UBAP2L: variants seen among roughly 807,000 people sequenced by gnomAD.
UBAP2L encodes ubiquitin-associated protein 2-like.
In UBAP2L, 12 loss-of-function variants were observed where a neutral mutation model predicts 130.6. The ratio of observed to expected loss-of-function variants is 0.09; its 90% confidence interval spans 0.06 to 0.15. UBAP2L has a LOEUF of 0.15. Among genes scored for constraint, UBAP2L ranks in the 10% least tolerant of loss-of-function variants. UBAP2L has a pLI of 1.00. For missense variants in UBAP2L, 965 were observed against 1,332.5 expected, an observed-to-expected ratio of 0.72 and a Z score of 4.29; for synonymous variants, 503 against 524.7, an observed-to-expected ratio of 0.96 and a Z score of 0.57.
chr1:154,225,257 C>T (rs1039924339), intron 2 of UBAP2L, 44 bp downstream of exon 2: 1 of 1,591,878 alleles, frequency 6.3e-7, no homozygotes, highest in Non-Finnish European at 8.6e-7. Context: ...GCGTTGCCTG[C>T]TGATACTGGT....
At chr1:154,253,335 G>C (rs925586036) in intron 14 of UBAP2L, among the ~76,000 whole-genome samples, 1 of 151,352 alleles carries the variant, frequency 6.6e-6, no homozygotes, top group Non-Finnish European at 1.5e-5. Flanking sequence ...ATGTAGGGGG[G>C]AGCCAAGGGA....
At chr1:154,255,565 T>A in intron 17 of UBAP2L, 118 bp from the exon 18 acceptor site, 1 of 1,282,738 alleles carries the variant, frequency 7.8e-7, no homozygotes, top group Non-Finnish European at 1.1e-6. Flanking sequence ...TAACATATGA[T>A]CTCAGACCTC....
Position 154,228,717 on chromosome 1 carries a change from C to T in UBAP2L, c.271C>T (p.Pro91Ser), listed in dbSNP as rs754255634. 12 of 1,610,674 alleles carry T rather than the reference C, an allele frequency of 7.5e-6. No homozygotes were observed. In the South Asian group the frequency reaches 1.2e-4, roughly 16 times the overall value. The change falls in exon 4 of 27, where the codon CCA (proline) becomes TCA (serine). Residue 91 changes from proline to serine, a missense_variant. Transcript: ENST00000428931. ...TATCAATGTTCTTCTGGAAGGAAAC[C>T]CAGACACGGTAGAGTGCTTATAGAG... is the stretch of plus-strand genomic sequence containing the variant. ...RAINVLLEGN[P>S]DTHSWEMVGK...
intron 8 of UBAP2L, among the ~76,000 whole-genome samples, 160 bp downstream of exon 8, chr1:154,237,296 C>T (rs1439094300): frequency 6.6e-6 from 1 of 152,168 alleles, no homozygotes; most frequent in African/African-American, 2.4e-5. Flanking sequence ...GTTTATGTAA[C>T]GTGCATATGG....
intron 24 of UBAP2L, chr1:154,263,100 T>A (rs1682118071): frequency 6.4e-7 from 1 of 1,551,766 alleles, no homozygotes; most frequent in Non-Finnish European, 8.7e-7. Flanking sequence ...TGATTCCTTT[T>A]AGGAAGAAAA....
At chr1:154,268,688 G>GC in intron 25 of UBAP2L, 69 bp from the exon 26 acceptor site, 1 of 1,523,800 alleles carries the variant, frequency 6.6e-7, no homozygotes, top group East Asian at 2.3e-5. Context: ...GGGAGCTTGA[G>GC]CTCAGGAAAA....
chr1:154,264,742 A>G (rs1329131903), intron 24 of UBAP2L, among the ~76,000 whole-genome samples: 1 of 151,820 alleles, frequency 6.6e-6, no homozygotes, highest in Non-Finnish European at 1.5e-5. Context: ...CAACTATGCT[A>G]TTTTTTATTT....
At chr1:154,227,691 C>T (rs567779563) in intron 3 of UBAP2L, among the ~76,000 whole-genome samples, 52 of 151,948 alleles carry the variant, frequency 3.4e-4, no homozygotes, top group Non-Finnish European at 5.7e-4. Context: ...GGATTACAGG[C>T]GCTCACCACC....
intron 17 of UBAP2L, 86 bp from the exon 18 acceptor site, chr1:154,255,596 CT>C: frequency 6.8e-7 from 1 of 1,468,246 alleles, no homozygotes; most frequent in South Asian, 1.1e-5. Flanking sequence ...CATATTATGT[CT>C]TATTTCCTTG....
chr1:154,251,383 A>G lies in UBAP2L; in HGVS notation c.1491+65A>G, dbSNP rs893108517. On this transcript the variant is annotated intron_variant, in intron 13 of 26. Transcript: ENST00000428931. The stretch of plus-strand genomic sequence containing the variant: ...GGTGTGGGGCTTGAGAATTGAGATT[A>G]AAAGGGTAAGTTTGGAAATTTAAAG... 2.2e-5 allele frequency: 35 copies of G among 1,577,632 alleles called. No individual in the cohort carries two copies. In the African/African-American group the frequency reaches 4.5e-4, roughly 20 times the overall value.
intron 24 of UBAP2L, chr1:154,263,455 T>A (rs185472014): frequency 8.5e-7 from 1 of 1,181,030 alleles, no homozygotes; most frequent in East Asian, 4.3e-5. Context: ...TTTCAACTTG[T>A]AACAAAAATA....
chr1:154,224,914 C>A (rs1226455662), intron 1 of UBAP2L, among the ~76,000 whole-genome samples, 170 bp from the exon 2 acceptor site: 6 of 152,158 alleles, frequency 3.9e-5, no homozygotes, highest in Non-Finnish European at 8.8e-5. Context: ...GGATTAACAG[C>A]CATAGCTCCT....
chr1:154,268,497 G>T (rs1377294404), intron 25 of UBAP2L, among the ~76,000 whole-genome samples: 1 of 152,174 alleles, frequency 6.6e-6, no homozygotes, highest in Non-Finnish European at 1.5e-5. Context: ...AGCCTATTTG[G>T]TCTTTACAAC....
chr1:154,266,321 C>T, intron 24 of UBAP2L, 180 bp from the exon 25 acceptor site: 1 of 685,714 alleles, frequency 1.5e-6, no homozygotes, highest in Non-Finnish European at 2.7e-6. Flanking sequence ...GGCCAAAGAA[C>T]CCTTAGGGAG....
At chr1:154,267,880 C>CTTTTTTTT (rs869153080) in intron 25 of UBAP2L, among the ~76,000 whole-genome samples, 1,160 of 52,076 alleles carry the variant, frequency 0.022, 209 homozygotes, top group East Asian at 0.05. Flanking sequence ...CTTATTTGGT[C>CTTTTTTTT]TTTTTTTTTT....
intron 1 of UBAP2L, among the ~76,000 whole-genome samples, chr1:154,222,103 G>A (rs3811453): frequency 0.098 from 14,870 of 152,078 alleles, 1,246 homozygotes; most frequent in East Asian, 0.43. Context: ...TGTTATTATT[G>A]TTAACGTTTT....
rs755644906 is a variant in UBAP2L, at chr1:154,251,195, G to A, written c.1368G>A (p.Leu456=). The change falls in exon 13 of 27, where the codon CTG becomes CTA. Residue 456 remains leucine (L), a synonymous_variant. Transcript: ENST00000428931. ...TAAPPPPSSP[L]PSKSTSAPQM... Reference sequence around the variant, plus strand: ...CACCTCCACCTCCGTCTTCTCCTCTGCCAAGCAAATCCACATCGGCTCCAC... The same window carrying A: ...CACCTCCACCTCCGTCTTCTCCTCTACCAAGCAAATCCACATCGGCTCCAC... 1.2e-6 allele frequency: 2 copies of A among 1,614,144 alleles called. No individual in the cohort carries two copies. The highest frequency in any genetic ancestry group is 3.3e-5 in the Admixed American group (2 of 60,010).
At chr1:154,247,108 T>C (rs1418362217) in intron 11 of UBAP2L, among the ~76,000 whole-genome samples, 2 of 152,220 alleles carry the variant, frequency 1.3e-5, no homozygotes, top group Non-Finnish European at 2.9e-5. Flanking sequence ...TTTTTTTCTC[T>C]TTTTCTCTCC....
At chr1:154,242,577 T>G (rs1673925696) in intron 9 of UBAP2L, among the ~76,000 whole-genome samples, 1 of 152,162 alleles carries the variant, frequency 6.6e-6, no homozygotes, top group Non-Finnish European at 1.5e-5. Flanking sequence ...AATCAAGAAA[T>G]AAAACTGAAA....
Sources: gnomAD v4.1 joint callset for allele counts (sites outside exome capture counted in the v4.1 genomes callset) on GRCh38, gnomAD v4.1.1 for gene constraint, MANE v1.5 for transcripts, NCBI Gene and HGNC (gene_info 2026-07-23, HGNC 2026-07-21) for gene names.